MBP: variants seen among roughly 807,000 people sequenced by gnomAD.
MBP encodes Golli-MBP.
Under a neutral mutation model 35.8 loss-of-function variants are expected in MBP, and 16 were observed. That is an observed-to-expected ratio of 0.45 (90% confidence interval 0.30 to 0.68). MBP has a LOEUF of 0.68. Among genes scored for constraint, MBP ranks in the 30% least tolerant of loss-of-function variants. The probability of loss-of-function intolerance (pLI) is 0.08; values close to 1 mark genes in which losing one functional copy is unlikely to be tolerated. For synonymous variants in MBP, 143 were observed against 159.6 expected (o/e 0.90, Z 0.78); for missense variants, 380 against 404.7 (o/e 0.94, Z 0.52).
chr18:77,015,870 C>T, intron 4 of MBP: 1 of 985,432 alleles, frequency 1.0e-6, no homozygotes, highest in Non-Finnish European at 1.2e-6. Context: ...TACGCTCCCA[C>T]AAGGCCTTCT....
chr18:77,034,765 A>T lies in MBP; in HGVS notation c.140-17497T>A, dbSNP rs900702840. 3.9e-5 allele frequency among the ~76,000 whole-genome samples: 6 copies of T among 152,072 alleles called. No homozygotes were observed. The East Asian group carries it at 7.7e-4, about 20-fold the overall frequency. ...TTGCTTTGCGACCATTGGCTCACCC[A>T]CCTGGTGCAGCCCCTGCCTCTCCTT... On this transcript the variant is annotated intron_variant, in intron 3 of 8. Coordinates refer to ENST00000355994, the MANE Select transcript of MBP (RefSeq NM_001025101.2).
intron 2 of MBP, among the ~76,000 whole-genome samples, chr18:77,098,189 T>TTTTTTTA (rs10670800): frequency 6.8e-6 from 1 of 146,488 alleles, no homozygotes; most frequent in African/African-American, 2.6e-5. Context: ...TTTTTTTTTT[T>TTTTTTTA]ACAATAATAG....
At chr18:77,067,954 C>A in intron 2 of MBP, 1 of 426,344 alleles carries the variant, frequency 2.3e-6, no homozygotes, top group South Asian at 1.7e-5. Context: ...GAGCTCACAC[C>A]AGCCAGGGCC....
intron 4 of MBP, among the ~76,000 whole-genome samples, chr18:76,991,380 G>A (rs921503979): frequency 1.3e-5 from 2 of 152,248 alleles, no homozygotes; most frequent in East Asian, 3.9e-4. Flanking sequence ...AGCCATGAGC[G>A]CCCGGGGGCA....
chr18:76,984,974 G>A, intron 7 of MBP, 80 bp from the exon 8 acceptor site: 1 of 1,586,392 alleles, frequency 6.3e-7, no homozygotes, highest in Admixed American at 1.7e-5. Context: ...CTGCCACCAG[G>A]GCCCCGGGGA....
intron 3 of MBP, among the ~76,000 whole-genome samples, chr18:77,021,875 C>T (rs1392511513): frequency 5.3e-5 from 8 of 152,068 alleles, no homozygotes; most frequent in Admixed American, 4.6e-4. Flanking sequence ...CCAACTGCAG[C>T]GGGTGGCCTT....
chr18:77,047,729 C>T (rs949757872), intron 3 of MBP, among the ~76,000 whole-genome samples: 2 of 152,114 alleles, frequency 1.3e-5, no homozygotes, highest in Non-Finnish European at 2.9e-5. Flanking sequence ...TTCAACAAAA[C>T]AGAAAATACA....
At chr18:77,118,603 CCA>C (rs1211973083) in intron 1 of MBP, among the ~76,000 whole-genome samples, 1 of 140,000 alleles carries the variant, frequency 7.1e-6, no homozygotes, top group Non-Finnish European at 1.5e-5. Context: ...CACACACACT[CCA>C]CAGACACCAC....
At chr18:77,008,370 G>C (rs1450960393) in intron 4 of MBP, among the ~76,000 whole-genome samples, 1 of 152,160 alleles carries the variant, frequency 6.6e-6, no homozygotes, top group Non-Finnish European at 1.5e-5. Context: ...AAGGACGGGG[G>C]ACCCTCAGAA....
chr18:77,008,091 G>A (rs983435632), intron 4 of MBP, among the ~76,000 whole-genome samples: 32 of 152,128 alleles, frequency 2.1e-4, no homozygotes, highest in East Asian at 7.7e-4. Flanking sequence ...CGTGCCTCTC[G>A]TGGAGCAGGG....
At chr18:77,056,821 G>A (rs1599154806) in intron 3 of MBP, among the ~76,000 whole-genome samples, 1 of 152,130 alleles carries the variant, frequency 6.6e-6, no homozygotes, top group African/African-American at 2.4e-5. Flanking sequence ...CAGGGGAACC[G>A]AGTCCACAGT....
chr18:76,979,794 C>A lies in MBP; in HGVS notation c.*633G>T. The A allele has an allele frequency of 1.7e-6, 1 of 599,358 alleles. No homozygotes were observed. Among genetic ancestry groups the A allele is most frequent in the Non-Finnish European group, 3.0e-6 (1 of 337,020 alleles). The allele number at this position is 599,358 out of a possible 1,614,324, so 37.1% of individuals were successfully genotyped here. On this transcript the variant is annotated 3_prime_UTR_variant, in exon 9 of 9. Transcript: ENST00000355994. ...GCTAATTGGGGTGTGTGGGCAGCCACGGCCTGGGGAGGTGGCCCCCTCTCT... is the reference window on the plus strand; with the variant it reads ...GCTAATTGGGGTGTGTGGGCAGCCAAGGCCTGGGGAGGTGGCCCCCTCTCT...
chr18:77,090,461 A>C (rs1252334032), intron 2 of MBP, among the ~76,000 whole-genome samples: 2 of 151,980 alleles, frequency 1.3e-5, no homozygotes, highest in Non-Finnish European at 2.9e-5. Flanking sequence ...ACTTCCATAC[A>C]CACCAATCCA....
Position 77,105,301 on chromosome 18 carries a change from GA to G in MBP, c.-25-16del. 2.0e-6 allele frequency: 3 copies of G among 1,537,178 alleles called. No homozygotes were observed. Among genetic ancestry groups the G allele is most frequent in the Non-Finnish European group, 1.8e-6 (2 of 1,110,978 alleles). The stretch of plus-strand genomic sequence containing the variant: ...CTCTTCAGAGGCTAAAAGAGAAAGA[GA>G]AAGTGTCAGCCCTAAGTCTAGTGCT... On this transcript the variant is annotated splice_polypyrimidine_tract_variant and intron_variant, in intron 1 of 8. Transcript: ENST00000355994.
intron 1 of MBP, among the ~76,000 whole-genome samples, chr18:77,118,104 G>A (rs190525187): frequency 1.8e-5 from 1 of 56,822 alleles, no homozygotes; most frequent in Non-Finnish European, 3.6e-5. Flanking sequence ...AGTGGGTTGG[G>A]GTGGGATGGG....
intron 3 of MBP, among the ~76,000 whole-genome samples, chr18:77,021,315 C>T (rs915696126): frequency 6.6e-6 from 1 of 152,164 alleles, no homozygotes; most frequent in South Asian, 2.1e-4. Flanking sequence ...AGAGCACCAC[C>T]AGAATTGGAA....
intron 1 of MBP, chr18:77,112,768 A>G (rs1976514535): frequency 6.6e-6 from 1 of 152,268 alleles, no homozygotes. Flanking sequence ...CCAGGATAGT[A>G]TGTGGTGGAT....
intron 2 of MBP, among the ~76,000 whole-genome samples, chr18:77,072,286 G>T (rs1974484768): frequency 4.6e-5 from 7 of 152,146 alleles, no homozygotes; most frequent in Admixed American, 4.6e-4. Context: ...CTACTAAAAG[G>T]CAGATATTTC....
intron 3 of MBP, among the ~76,000 whole-genome samples, chr18:77,026,639 G>C (rs1350823062): frequency 6.6e-6 from 1 of 151,978 alleles, no homozygotes; most frequent in Admixed American, 6.6e-5. Context: ...CTTAAATGGG[G>C]AGGATGGCTT....
Sources: gnomAD v4.1 joint callset for allele counts (sites outside exome capture counted in the v4.1 genomes callset) on GRCh38, gnomAD v4.1.1 for gene constraint, MANE v1.5 for transcripts, NCBI Gene and HGNC (gene_info 2026-07-23, HGNC 2026-07-21) for gene names.